COL25A1: variants seen among roughly 807,000 people sequenced by gnomAD.
The protein encoded by COL25A1 is collagen type XXV alpha 1 chain, also known as collagen alpha-1(XXV) chain.
A neutral mutation model predicts 128.4 loss-of-function variants in COL25A1; 103 were observed. The observed-to-expected ratio is 0.80, with a 90% CI of 0.68 to 0.94. COL25A1 has a LOEUF of 0.94. COL25A1 is among the 40% of genes least tolerant of loss of function. The pLI, the probability that COL25A1 is intolerant of heterozygous loss-of-function variation, is 0.00. For synonymous variants in COL25A1, 279 were observed against 277.2 expected (o/e 1.01, Z -0.06); for missense variants, 745 against 840.0 (o/e 0.89, Z 1.40).
At chr4:108,884,419 T>A (rs1379261334) in intron 18 of COL25A1, among the ~76,000 whole-genome samples, 197 bp from the exon 19 acceptor site, 1 of 152,214 alleles carries the variant, frequency 6.6e-6, no homozygotes, top group East Asian at 1.9e-4. Flanking sequence ...CTTCACAGAT[T>A]TTTTGGGATT....
At chr4:109,176,708 CA>C (rs1167078331) in intron 3 of COL25A1, among the ~76,000 whole-genome samples, 1 of 152,056 alleles carries the variant, frequency 6.6e-6, no homozygotes, top group Non-Finnish European at 1.5e-5. Flanking sequence ...TGAAAGATCT[CA>C]AGATGAGATC....
At chr4:108,814,838 T>C (rs561027514) in intron 37 of COL25A1, among the ~76,000 whole-genome samples, 1 of 152,276 alleles carries the variant, frequency 6.6e-6, no homozygotes, top group South Asian at 2.1e-4. Flanking sequence ...GCAGAATGTA[T>C]AGGGAAGGAG....
chr4:108,831,651 AGAAATAG>A (rs1340573585), intron 32 of COL25A1, among the ~76,000 whole-genome samples: 2 of 151,364 alleles, frequency 1.3e-5, no homozygotes, highest in Non-Finnish European at 2.9e-5. Context: ...GGTGAGGAAA[AGAAATAG>A]TGGGAGAAAA....
intron 8 of COL25A1, among the ~76,000 whole-genome samples, chr4:108,959,380 T>C (rs1750418897): frequency 6.6e-6 from 1 of 152,132 alleles, no homozygotes; most frequent in African/African-American, 2.4e-5. Context: ...GGTTACCAGT[T>C]TGCAGCCTCT....
chr4:108,916,132 A>G (rs1296914132), intron 13 of COL25A1, among the ~76,000 whole-genome samples: 1 of 152,210 alleles, frequency 6.6e-6, no homozygotes, highest in Non-Finnish European at 1.5e-5. Flanking sequence ...TTAAGTAATT[A>G]CTAGACCTAA....
At chr4:108,940,473 C>A in intron 10 of COL25A1, 66 bp downstream of exon 10, 1 of 1,352,268 alleles carries the variant, frequency 7.4e-7, no homozygotes, top group Non-Finnish European at 1.1e-6. Flanking sequence ...CCCTACTCCA[C>A]CCTAGTTCTC....
At chr4:109,055,721 A>G (rs1323860186) in intron 3 of COL25A1, among the ~76,000 whole-genome samples, 1 of 152,214 alleles carries the variant, frequency 6.6e-6, no homozygotes, top group East Asian at 1.9e-4. Context: ...TTGTATCTCC[A>G]GCAGCAGGCA....
chr4:109,282,868 T>C (rs1723511425), intron 3 of COL25A1, among the ~76,000 whole-genome samples: 1 of 152,230 alleles, frequency 6.6e-6, no homozygotes, highest in Non-Finnish European at 1.5e-5. Context: ...GGCTACTTGA[T>C]TCAGACTATA....
Position 108,813,884 on chromosome 4 carries a change from G to T in COL25A1, c.*43C>A. The T allele has an allele frequency of 6.7e-7, 1 of 1,491,820 alleles. No individual in the cohort carries two copies. Among genetic ancestry groups the T allele is most frequent in the South Asian group, 1.2e-5 (1 of 82,908 alleles). 92.4% of individuals were successfully genotyped at this position (1,491,820 alleles called of 1,614,324 possible). A position where few individuals can be genotyped will look rare whatever the true frequency, so the allele number is the denominator to read the frequency against. On this transcript the variant is annotated 3_prime_UTR_variant, in exon 38 of 38. Transcript: ENST00000399132. ...GTTTTCAACTATAAATATTAAAAAT[G>T]GACCCTTATATACACAACTTCATGC... is the stretch of plus-strand genomic sequence containing the variant.
chr4:108,859,451 G>T (rs1048802635), intron 24 of COL25A1, among the ~76,000 whole-genome samples: 5 of 152,168 alleles, frequency 3.3e-5, no homozygotes, highest in African/African-American at 9.6e-5. Context: ...GGAAAGGAAA[G>T]AAATGATTGA....
chr4:109,108,518 T>C (rs1223082465), intron 3 of COL25A1, among the ~76,000 whole-genome samples: 1 of 152,154 alleles, frequency 6.6e-6, no homozygotes, highest in Non-Finnish European at 1.5e-5. Flanking sequence ...TATAGCAGCA[T>C]GATTTATAAT....
At chr4:109,282,426 T>C (rs538689260) in intron 3 of COL25A1, among the ~76,000 whole-genome samples, 1 of 152,254 alleles carries the variant, frequency 6.6e-6, no homozygotes, top group African/African-American at 2.4e-5. Flanking sequence ...GGAAAAGAAC[T>C]AAAAGGTGTT....
In COL25A1 at chr4:109,302,093, G is replaced by A. The variant is rs977334164; in HGVS notation, c.-56-18C>T. 2.7e-6 allele frequency: 4 copies of A among 1,477,382 alleles called. No homozygotes were observed. The African/African-American group carries it at 5.6e-5, about 21-fold the overall frequency. 91.5% of individuals were successfully genotyped at this position (1,477,382 alleles called of 1,614,324 possible). A position where few individuals can be genotyped will look rare whatever the true frequency, so the allele number is the denominator to read the frequency against. ...AAATAATCCTAAAAGGAAAGAAAAA[G>A]GTCGATTCCTCCAAAGTTCAGTCCC... On this transcript the variant is annotated intron_variant, in intron 1 of 37. Coordinates refer to ENST00000399132, the MANE Select transcript of COL25A1 (RefSeq NM_198721.4).
chr4:109,252,778 T>C (rs529042825), intron 3 of COL25A1, among the ~76,000 whole-genome samples: 137 of 152,282 alleles, frequency 9.0e-4, no homozygotes, highest in Admixed American at 2.1e-3. Flanking sequence ...CTCTGCCCAC[T>C]AGGCGAGTTT....
intron 3 of COL25A1, among the ~76,000 whole-genome samples, chr4:109,251,517 C>T (rs555454679): frequency 1.3e-5 from 2 of 152,208 alleles, no homozygotes; most frequent in African/African-American, 2.4e-5. Flanking sequence ...GAATAGCAGT[C>T]CAATTTCCCC....
chr4:109,065,545 CGTGTGTGTGTGTGTGTGTGTGTGTGT>C (rs70949065), intron 3 of COL25A1, among the ~76,000 whole-genome samples: 4 of 141,132 alleles, frequency 2.8e-5, no homozygotes, highest in African/African-American at 5.3e-5. Context: ...CGCGCGCGCG[CGTGTGTGTGTGTGTGTGTGTGTGTGT>C]GTGTGTGTGT....
chr4:108,882,932 T>A (rs1370189658), intron 19 of COL25A1, among the ~76,000 whole-genome samples: 14 of 152,160 alleles, frequency 9.2e-5, no homozygotes, highest in Admixed American at 8.5e-4. Context: ...GAGAACTCAA[T>A]AATATATCTA....
chr4:109,005,114 T>C (rs987622261), intron 6 of COL25A1, among the ~76,000 whole-genome samples: 1 of 152,148 alleles, frequency 6.6e-6, no homozygotes, highest in Non-Finnish European at 1.5e-5. Context: ...ACAGGAAGCA[T>C]AGCAACTTCT....
chr4:108,966,792 C>T (rs1751348178), intron 8 of COL25A1, among the ~76,000 whole-genome samples: 1 of 151,320 alleles, frequency 6.6e-6, no homozygotes. Flanking sequence ...GTTGAGGCTG[C>T]AGTGAGCCGT....
Sources: gnomAD v4.1 joint callset for allele counts (sites outside exome capture counted in the v4.1 genomes callset) on GRCh38, gnomAD v4.1.1 for gene constraint, MANE v1.5 for transcripts, NCBI Gene and HGNC (gene_info 2026-07-23, HGNC 2026-07-21) for gene names.